The following CARMIL1 variants were observed in gnomAD, a reference collection of about 807,000 sequenced individuals.
CARMIL1 encodes the protein capping protein regulator and myosin 1 linker 1.
Under a neutral mutation model 177.1 loss-of-function variants are expected in CARMIL1, and 90 were observed. The ratio of observed to expected loss-of-function variants is 0.51; its 90% CI spans 0.43 to 0.61. The LOEUF is 0.61. Among genes scored for constraint, CARMIL1 ranks in the 20% least tolerant of loss-of-function variants. CARMIL1 has a pLI of 0.00. For synonymous variants in CARMIL1, 577 were observed against 606.2 expected (o/e 0.95, Z 0.71); for missense variants, 1,380 against 1,667.0 (o/e 0.83, Z 3.00).
chr6:25,367,017 TTACTCA>T (rs1245385591), intron 2 of CARMIL1, among the ~76,000 whole-genome samples: 2 of 152,334 alleles, frequency 1.3e-5, no homozygotes, highest in East Asian at 3.9e-4. Context: ...ACCTGTGCAG[TTACTCA>T]TAGTAGCATT....
chr6:25,316,740 T>C (rs1291460140), intron 2 of CARMIL1, among the ~76,000 whole-genome samples: 1 of 151,992 alleles, frequency 6.6e-6, no homozygotes, highest in Non-Finnish European at 1.5e-5. Context: ...TAAAGACTAG[T>C]CTAGTGTAAT....
chr6:25,478,860 A>T (rs1475657943), intron 11 of CARMIL1, among the ~76,000 whole-genome samples: 7 of 151,578 alleles, frequency 4.6e-5, no homozygotes, highest in African/African-American at 1.2e-4. Context: ...TATTGACTCA[A>T]TTTTTTCCAG....
At chr6:25,283,880 A>T (rs1007075033) in intron 1 of CARMIL1, among the ~76,000 whole-genome samples, 1 of 150,688 alleles carries the variant, frequency 6.6e-6, no homozygotes, top group Non-Finnish European at 1.5e-5. Context: ...CACCTGGCTA[A>T]TTTTTTTTTG....
intron 34 of CARMIL1, among the ~76,000 whole-genome samples, chr6:25,605,155 TTGCAAAC>T (rs1815831887): frequency 6.6e-6 from 1 of 152,148 alleles, no homozygotes; most frequent in Non-Finnish European, 1.5e-5. Flanking sequence ...TGTTTTTTCA[TTGCAAAC>T]TCCTCAGCTT....
intron 29 of CARMIL1, among the ~76,000 whole-genome samples, chr6:25,564,661 C>T (rs1811402023): frequency 6.6e-6 from 1 of 152,130 alleles, no homozygotes; most frequent in South Asian, 2.1e-4. Flanking sequence ...AACTGAGAGG[C>T]TCAGAACTGA....
chr6:25,475,382 G>A (rs1396500271), intron 11 of CARMIL1, among the ~76,000 whole-genome samples: 1 of 150,026 alleles, frequency 6.7e-6, no homozygotes. Context: ...GCCTGGGTGA[G>A]AGAGTGAGAC....
intron 11 of CARMIL1, among the ~76,000 whole-genome samples, chr6:25,474,454 A>G (rs1274317938): frequency 6.6e-6 from 1 of 152,088 alleles, no homozygotes; most frequent in Non-Finnish European, 1.5e-5. Context: ...TATGATATAG[A>G]TGTTCAGTTT....
intron 31 of CARMIL1, among the ~76,000 whole-genome samples, chr6:25,583,092 T>C (rs566451987): frequency 5.3e-5 from 8 of 152,348 alleles, no homozygotes; most frequent in Non-Finnish European, 4.4e-5. Flanking sequence ...GCCCTCTGTA[T>C]AGCCAGAGGA....
rs544173700 is a variant in CARMIL1 at position 25,453,541 on chromosome 6, G to A, written c.614+2830G>A. On this transcript the variant is annotated intron_variant, in intron 8 of 36. Transcript: ENST00000329474. ...GATATTAAAATGTTTGTACTCAAGA[G>A]CTAAAATTTAATAAAATGAGTAATG... Among the ~76,000 whole-genome samples the A allele has an allele frequency of 2.0e-5, 3 of 152,258 alleles. No individual in the cohort carries two copies. In the South Asian group the frequency reaches 6.2e-4, roughly 32 times the overall value.
intron 2 of CARMIL1, among the ~76,000 whole-genome samples, chr6:25,329,250 A>G (rs2150269014): frequency 6.6e-6 from 1 of 152,330 alleles, no homozygotes; most frequent in Non-Finnish European, 1.5e-5. Flanking sequence ...ATCTGGGAAC[A>G]CTAGGTCTAT....
intron 5 of CARMIL1, among the ~76,000 whole-genome samples, chr6:25,445,784 C>T (rs11964353): frequency 3.6e-4 from 55 of 152,208 alleles, no homozygotes; most frequent in East Asian, 1.7e-3. Context: ...GTGATCCACA[C>T]GCCTCGGCTG....
intron 17 of CARMIL1, among the ~76,000 whole-genome samples, chr6:25,502,253 CA>C (rs1164948276): frequency 8.3e-5 from 11 of 133,312 alleles, no homozygotes; most frequent in East Asian, 2.2e-4. Flanking sequence ...AGCAAACAAA[CA>C]AAAAAAAAAC....
At chr6:25,597,280 C>T (rs185968914) in intron 32 of CARMIL1, among the ~76,000 whole-genome samples, 2 of 152,138 alleles carry the variant, frequency 1.3e-5, no homozygotes, top group Admixed American at 1.3e-4. Flanking sequence ...GTACCACCTC[C>T]CAATACTATC....
At chr6:25,389,370 G>T (rs1007081055) in intron 2 of CARMIL1, among the ~76,000 whole-genome samples, 3 of 151,910 alleles carry the variant, frequency 2.0e-5, no homozygotes, top group Admixed American at 6.6e-5. Flanking sequence ...GAGATTTGGG[G>T]GGGTCTTGCT....
intron 8 of CARMIL1, among the ~76,000 whole-genome samples, chr6:25,456,660 A>T (rs1218993068): frequency 2.6e-5 from 4 of 152,202 alleles, no homozygotes; most frequent in African/African-American, 4.8e-5. Flanking sequence ...GTAGGGAATT[A>T]TGAAGGTAGA....
chr6:25,599,211 T>A (rs1030727252), intron 32 of CARMIL1, among the ~76,000 whole-genome samples: 4 of 152,210 alleles, frequency 2.6e-5, no homozygotes, highest in Non-Finnish European at 5.9e-5. Flanking sequence ...TCACTTCCAC[T>A]TGCAGAGGTG....
intron 27 of CARMIL1, 31 bp from the exon 28 acceptor site, chr6:25,553,978 A>G (rs756410352): frequency 2.8e-6 from 4 of 1,432,654 alleles, no homozygotes; most frequent in African/African-American, 2.8e-5. Context: ...ACAAATTAAA[A>G]TGGTACTCTG....
intron 2 of CARMIL1, among the ~76,000 whole-genome samples, chr6:25,327,625 A>G (rs17678510): frequency 0.046 from 6,990 of 152,324 alleles, 230 homozygotes; most frequent in South Asian, 0.075. Context: ...AAGGAGTAGC[A>G]TATGGGCTTC....
chr6:25,376,975 C>T (rs1791048957), intron 2 of CARMIL1, among the ~76,000 whole-genome samples: 5 of 152,154 alleles, frequency 3.3e-5, no homozygotes, highest in Admixed American at 2.0e-4. Flanking sequence ...ACACTCCTGA[C>T]CCAGAGTTCC....
Sources: gnomAD v4.1 joint callset for allele counts (sites outside exome capture counted in the v4.1 genomes callset) on GRCh38, gnomAD v4.1.1 for gene constraint, MANE v1.5 for transcripts, NCBI Gene and HGNC (gene_info 2026-07-23, HGNC 2026-07-21) for gene names.